The following GLS variants were observed in gnomAD, a reference collection of about 807,000 sequenced individuals.
The protein encoded by GLS is glutaminase, also known as glutaminase kidney isoform, mitochondrial.
A neutral mutation model predicts 86.7 loss-of-function variants in GLS; 36 were observed. The ratio of observed to expected loss-of-function variants is 0.42; its 90% confidence interval spans 0.32 to 0.55. The LOEUF is 0.55. Ranked by LOEUF, GLS falls within the 20% of genes least tolerant of loss-of-function variation. The pLI is 0.17. For missense variants in GLS, 528 were observed against 833.4 expected (o/e 0.63, Z 4.51); for synonymous variants, 317 against 305.9 (o/e 1.04, Z -0.38).
intron 6 of GLS, among the ~76,000 whole-genome samples, chr2:190,909,064 A>G (rs927453201): frequency 5.3e-5 from 8 of 152,302 alleles, no homozygotes; most frequent in East Asian, 1.9e-4. Context: ...ACTAATTTAA[A>G]CTAATTTAAA....
chr2:190,910,607 C>CTT (rs779085975), intron 7 of GLS, among the ~76,000 whole-genome samples: 26 of 119,868 alleles, frequency 2.2e-4, no homozygotes, highest in African/African-American at 6.8e-4. Flanking sequence ...GGCATAGAGG[C>CTT]TTTTTTTTTT....
intron 1 of GLS, among the ~76,000 whole-genome samples, chr2:190,884,964 A>G (rs1215035636): frequency 6.6e-6 from 1 of 152,232 alleles, no homozygotes; most frequent in African/African-American, 2.4e-5. Flanking sequence ...GTGATGTGGT[A>G]GTTGGATGTT....
chr2:190,880,846 G>A lies in GLS; in HGVS notation c.-239G>A, dbSNP rs957784949. 28 of 805,308 alleles carry A rather than the reference G, an allele frequency of 3.5e-5. No individual in the cohort carries two copies. Among genetic ancestry groups the A allele is most frequent in the Non-Finnish European group, 5.1e-5 (25 of 492,748 alleles). The allele number at this position is 805,308 out of a possible 1,614,324, so 49.9% of individuals were successfully genotyped here. ...AGTGCGGAGCCTTAGGCGGAGCGAA[G>A]AGAACCGGTCGCGGCAATCCTAGCG... On this transcript the variant is annotated 5_prime_UTR_variant, in exon 1 of 18. Transcript: ENST00000320717.
chr2:190,957,200 C>A (rs1308836409), intron 17 of GLS, among the ~76,000 whole-genome samples: 2 of 152,212 alleles, frequency 1.3e-5, no homozygotes, highest in Non-Finnish European at 2.9e-5. Context: ...AAGCAATTCT[C>A]CTGCCTCAGC....
At chr2:190,919,724 C>T (rs1689672557) in intron 7 of GLS, 1 of 622,812 alleles carries the variant, frequency 1.6e-6, no homozygotes, top group Non-Finnish European at 2.0e-6. Context: ...TTTGGAGTTA[C>T]ATTTCTACAT....
In GLS at chr2:190,931,599, A is replaced by G. The variant is rs1262943730; in HGVS notation, c.1612A>G (p.Lys538Glu). 6.3e-7 allele frequency: 1 copy of G among 1,585,508 alleles called. No individual in the cohort carries two copies. The change falls in exon 14 of 18, where the codon AAA (lysine) becomes GAA (glutamate). Residue 538 changes from lysine to glutamate, a missense_variant. Transcript: ENST00000320717. The part of the protein sequence containing the change: ...HNYDNLRHFA[K>E]KLDPRREGGD... ...CTATGATAATTTGAGACACTTTGCA[A>G]AAAAACTTGATCCTCGAAGAGAAGG...
rs1239040623 is a variant in GLS, at chr2:190,955,690, T to G, written c.1853+872T>G. On this transcript the variant is annotated intron_variant, in intron 17 of 17. Transcript: ENST00000320717. The surrounding 1 kb of genome is among the most constrained non-coding windows in gnomAD (Gnocchi z 5.6). ...AATGGTATTTCTGGTTCTAGATCCT[T>G]GAGGAATCACCACACTGTCTTCCAC... Among the ~76,000 whole-genome samples the G allele has an allele frequency of 6.6e-6, 1 of 152,218 alleles. No homozygotes were observed. Among genetic ancestry groups the G allele is most frequent in the Admixed American group, 6.5e-5 (1 of 15,286 alleles).
chr2:190,943,624 TA>T lies in GLS; in HGVS notation c.1651-9940del, dbSNP rs549090166. Among the ~76,000 whole-genome samples, 8 of 152,354 alleles carry T rather than the reference TA, an allele frequency of 5.3e-5. No individual in the cohort carries two copies. In the South Asian group the frequency reaches 1.2e-3, roughly 24 times the overall value. On this transcript the variant is annotated intron_variant, in intron 14 of 17. Transcript: ENST00000320717. This position sits in a 1 kb window ranked among gnomAD's most constrained non-coding sequence, Gnocchi z 4.5. ...TTTTTTTTAGATAGAACAATTGCTT[TA>T]TTTTTTAGTGTCTTAAAATATGCTT...
Position 190,930,226 on chromosome 2 carries a change from C to T in GLS, c.1426-211C>T, listed in dbSNP as rs1334928529. Among the ~76,000 whole-genome samples, 1 of 151,930 alleles carries T rather than the reference C, an allele frequency of 6.6e-6. No homozygotes were observed. The highest frequency in any genetic ancestry group is 6.6e-5 in the Admixed American group (1 of 15,236). On this transcript the variant is annotated intron_variant, in intron 12 of 17. Transcript: ENST00000320717. This position sits in a 1 kb window ranked among gnomAD's most constrained non-coding sequence, Gnocchi z 5.0. ...TGACTACTGGTGTGCACTTCCATGT[C>T]TCACTGTTTTTTGTAGAGACGAGAT...
rs766701502 is a variant in GLS, at chr2:190,930,545, G to C, written c.1534G>C (p.Val512Leu). 1.2e-6 allele frequency: 2 copies of C among 1,611,390 alleles called. No individual in the cohort carries two copies. The highest frequency in any genetic ancestry group is 2.7e-5 in the African/African-American group (2 of 74,790). Residue 512 changes from valine to leucine, a missense_variant, in exon 13 of 18, where the codon GTT becomes CTT. Transcript: ENST00000320717. This position sits in a 1 kb window ranked among gnomAD's most constrained non-coding sequence, Gnocchi z 5.0. ...SPPLDKMGNS[V>L]KGIHFCHDLV... The stretch of plus-strand genomic sequence containing the variant: ...TCCTCTGGATAAGATGGGCAACAGT[G>C]TTAAGGGAATTCACTTTTGTCACGT...
chr2:190,957,032 C>G (rs1464772731), intron 17 of GLS, among the ~76,000 whole-genome samples: 26 of 152,186 alleles, frequency 1.7e-4, no homozygotes, highest in Admixed American at 1.6e-3. Context: ...TGTAAATATA[C>G]AATCATGTCA....
At chr2:190,934,983 T>G (rs906726394) in intron 14 of GLS, 18 of 962,298 alleles carry the variant, frequency 1.9e-5, no homozygotes, top group Non-Finnish European at 2.2e-5. Context: ...ACAAAGTTCT[T>G]GATAGTACCC....
intron 1 of GLS, chr2:190,882,011 CTT>C (rs1688218099): frequency 6.6e-6 from 1 of 152,422 alleles, no homozygotes. Context: ...ACAGAGAGCT[CTT>C]TATATTTCGG....
chr2:190,902,690 A>T (rs1489680766), intron 5 of GLS, among the ~76,000 whole-genome samples: 2 of 152,224 alleles, frequency 1.3e-5, no homozygotes, highest in Non-Finnish European at 2.9e-5. Flanking sequence ...TATTTTTTCA[A>T]GAATGACCGT....
intron 14 of GLS, among the ~76,000 whole-genome samples, chr2:190,939,438 A>G (rs1411507040): frequency 6.6e-6 from 1 of 151,724 alleles, no homozygotes; most frequent in African/African-American, 2.4e-5. Context: ...AAGTTTCAGT[A>G]TAAACTCATT....
At chr2:190,907,053 TAGCTGGGACTACAGGCACCCGCC>T (rs1438567603) in intron 6 of GLS, among the ~76,000 whole-genome samples, 1 of 147,842 alleles carries the variant, frequency 6.8e-6, no homozygotes, top group Non-Finnish European at 1.5e-5. Context: ...CCTCAGCGAG[TAGCTGGGACTACAGGCACCCGCC>T]AGCACGCCTG....
chr2:190,950,692 T>C lies in GLS; in HGVS notation c.1651-2873T>C, dbSNP rs114564356. 5.3e-3 allele frequency among the ~76,000 whole-genome samples: 807 copies of C among 152,210 alleles called. 8 individuals are homozygous for C. The highest frequency in any genetic ancestry group is 0.018 in the African/African-American group (765 of 41,532). ...GAAGAGCGTGGGCTGGTAACCCGTG[T>C]TGGCCCTGTGGCCAGGCATCCTTGT... On this transcript the variant is annotated intron_variant, in intron 14 of 17. Transcript: ENST00000320717.
chr2:190,928,708 C>CTT (rs34693346), intron 12 of GLS, among the ~76,000 whole-genome samples: 92 of 136,414 alleles, frequency 6.7e-4, no homozygotes, highest in South Asian at 1.2e-3. Flanking sequence ...GTTTTGTCTC[C>CTT]TTTTTTTTTT....
chr2:190,951,445 TGA>T lies in GLS; in HGVS notation c.1651-2115_1651-2114del, dbSNP rs543696213. Among the ~76,000 whole-genome samples, 16 of 151,976 alleles carry T rather than the reference TGA, an allele frequency of 1.1e-4. No homozygotes were observed. Among genetic ancestry groups the T allele is most frequent in the Non-Finnish European group, 2.1e-4 (14 of 68,004 alleles). ...AAATTGTGTCTGTTTTAAGGTAAAC[TGA>T]GAGAACCAATGAAAGAGGAAAAGTT... On this transcript the variant is annotated intron_variant, in intron 14 of 17. Coordinates refer to ENST00000320717, the MANE Select transcript of GLS (RefSeq NM_014905.5). The surrounding 1 kb of genome is among the most constrained non-coding windows in gnomAD (Gnocchi z 4.2).
Sources: allele counts gnomAD v4.1 joint callset (sites outside exome capture counted in the v4.1 genomes callset), GRCh38; gene constraint gnomAD v4.1.1; non-coding constraint Gnocchi (gnomAD v3.1); transcripts MANE v1.5; gene names NCBI Gene and HGNC (gene_info 2026-07-23, HGNC 2026-07-21).